Variants in MFAP3 observed in about 807,000 individuals in gnomAD.
MFAP3 encodes microfibril-associated glycoprotein 3.
Under a neutral mutation model 20.5 loss-of-function variants are expected in MFAP3, and 8 were observed. The observed-to-expected ratio is 0.39, with a 90% CI of 0.23 to 0.70. MFAP3 has a LOEUF of 0.70. Among genes scored for constraint, MFAP3 ranks in the 30% least tolerant of loss-of-function variants. The pLI is 0.44. For missense variants in MFAP3, 398 were observed against 444.6 expected, an observed-to-expected ratio of 0.90 and a Z score of 0.94; for synonymous variants, 140 against 154.0, an observed-to-expected ratio of 0.91 and a Z score of 0.67.
chr5:154,041,330 C>G (rs979892979), intron 1 of MFAP3, among the ~76,000 whole-genome samples: 1 of 152,132 alleles, frequency 6.6e-6, no homozygotes, highest in Non-Finnish European at 1.5e-5. Context: ...GTAAAACAAG[C>G]GTAGTTTAGG....
At chr5:154,048,856 G>A (rs1284462216) in intron 1 of MFAP3, among the ~76,000 whole-genome samples, 8 of 152,164 alleles carry the variant, frequency 5.3e-5, no homozygotes, top group Non-Finnish European at 1.0e-4. Flanking sequence ...TAAATACACT[G>A]TACTTTGTCT....
rs1299010254 is a variant in MFAP3 at position 154,055,215 on chromosome 5, T to C, written c.*1502T>C. Among the ~76,000 whole-genome samples, 3 of 152,346 alleles carry C rather than the reference T, an allele frequency of 2.0e-5. No individual in the cohort carries two copies. In the South Asian group the frequency reaches 6.2e-4, roughly 32 times the overall value. ...AAGCATTACTTCAGCTAGAGGCTCC[T>C]GAGGGAAATGTTCAGAGGAGGTTTT... On this transcript the variant is annotated 3_prime_UTR_variant, in exon 3 of 3. Transcript: ENST00000522782.
At position 154,048,972 on chromosome 5, in the gene MFAP3, C is replaced by T. The variant is rs775213291; in HGVS notation, c.-166-585C>T. Reference sequence around the variant, plus strand: ...GTCAATAACTCTATTTATGTGTATGCAGTAAGTGCAGCTTTCTTTCCAGTG... The same window carrying T: ...GTCAATAACTCTATTTATGTGTATGTAGTAAGTGCAGCTTTCTTTCCAGTG... On this transcript the variant is annotated intron_variant, in intron 1 of 2. Transcript: ENST00000522782. 1.3e-3 allele frequency among the ~76,000 whole-genome samples: 198 copies of T among 152,318 alleles called. 1 individual carries two copies. Among genetic ancestry groups the T allele is most frequent in the Non-Finnish European group, 2.5e-3 (169 of 68,022 alleles).
rs1209734908 is a variant in MFAP3, at chr5:154,056,805, A to G, written c.*3092A>G. 6.6e-6 allele frequency among the ~76,000 whole-genome samples: 1 copy of G among 152,168 alleles called. No individual in the cohort carries two copies. Among genetic ancestry groups the G allele is most frequent in the African/African-American group, 2.4e-5 (1 of 41,446 alleles). On this transcript the variant is annotated 3_prime_UTR_variant, in exon 3 of 3. Transcript: ENST00000522782. ...CCTGTCCTCCAAATTGTGTATGTATATGTTACGATGGTTTAATTCTTGAGT... is the reference window on the plus strand; with the variant it reads ...CCTGTCCTCCAAATTGTGTATGTATGTGTTACGATGGTTTAATTCTTGAGT...
chr5:154,050,975 G>A lies in MFAP3; in HGVS notation c.295+958G>A, dbSNP rs551416116. On this transcript the variant is annotated intron_variant, in intron 2 of 2. Coordinates refer to ENST00000522782, the MANE Select transcript of MFAP3 (RefSeq NM_005927.5). ...TAGTGTAGCCTTCTGAAATAGAAAAGGATATTGGTTATTCATATTAGGCTG... is the reference window on the plus strand; with the variant it reads ...TAGTGTAGCCTTCTGAAATAGAAAAAGATATTGGTTATTCATATTAGGCTG... Among the ~76,000 whole-genome samples, 75 of 152,188 alleles carry A rather than the reference G, an allele frequency of 4.9e-4. No individual in the cohort carries two copies. In the South Asian group the frequency reaches 0.015, roughly 31 times the overall value.
At chr5:154,044,829 C>A (rs531004725) in intron 1 of MFAP3, among the ~76,000 whole-genome samples, 1 of 152,074 alleles carries the variant, frequency 6.6e-6, no homozygotes, top group Non-Finnish European at 1.5e-5. Flanking sequence ...TGAACTTAAT[C>A]TTTTTTCTCC....
In MFAP3 at chr5:154,053,729, C is replaced by T; in HGVS notation, c.*16C>T. On this transcript the variant is annotated 3_prime_UTR_variant, in exon 3 of 3. Coordinates refer to ENST00000522782, the MANE Select transcript of MFAP3 (RefSeq NM_005927.5). ...TCAGCTGTAACCTACAATGCTGTAA[C>T]CCAGTACCTACAAAATCAGCTCGCT... 6.4e-7 allele frequency: 1 copy of T among 1,567,600 alleles called. No homozygotes were observed. Among genetic ancestry groups the T allele is most frequent in the Non-Finnish European group, 8.7e-7 (1 of 1,155,108 alleles).
At chr5:154,051,861 A>G (rs997281342) in intron 2 of MFAP3, 2 of 152,292 alleles carry the variant, frequency 1.3e-5, no homozygotes, top group East Asian at 1.9e-4. Context: ...AAGATTGGGC[A>G]CTCAAGTAAT....
Position 154,053,918 on chromosome 5 carries a change from G to C in MFAP3, c.*205G>C, listed in dbSNP as rs1773268109. 1.8e-6 allele frequency: 1 copy of C among 542,168 alleles called. No homozygotes were observed. 33.6% of individuals were successfully genotyped at this position (542,168 alleles called of 1,614,324 possible). On this transcript the variant is annotated 3_prime_UTR_variant, in exon 3 of 3. Coordinates refer to ENST00000522782, the MANE Select transcript of MFAP3 (RefSeq NM_005927.5). ...ATACTTTTCAGTCATTTTCCTTAGA[G>C]CTTTATTAAATTATGCATGCTAAGA... is the stretch of plus-strand genomic sequence containing the variant.
At chr5:154,049,419 T>G (rs1043288943) in intron 1 of MFAP3, 138 bp from the exon 2 acceptor site, 1 of 246,362 alleles carries the variant, frequency 4.1e-6, no homozygotes, top group African/African-American at 2.3e-5. Context: ...TGTGAGATTT[T>G]TAGGTACTGT....
At chr5:154,050,118 G>A in intron 2 of MFAP3, 101 bp downstream of exon 2, 4 of 1,318,760 alleles carry the variant, frequency 3.0e-6, no homozygotes, top group Non-Finnish European at 4.1e-6. Flanking sequence ...AAGGTGCCAA[G>A]GTGAATAGTT....
At position 154,056,513 on chromosome 5, in the gene MFAP3, ATTATC is replaced by A. The variant is rs1345361118; in HGVS notation, c.*2803_*2807del. On this transcript the variant is annotated 3_prime_UTR_variant, in exon 3 of 3. Transcript: ENST00000522782. ...AAGTCTTGATGGTAACTATAGTGTA[ATTATC>A]TTTTTGTCTCACTGGATTTTATAGT... 6.6e-6 allele frequency among the ~76,000 whole-genome samples: 1 copy of A among 152,136 alleles called. No individual in the cohort carries two copies. Among genetic ancestry groups the A allele is most frequent in the African/African-American group, 2.4e-5 (1 of 41,438 alleles).
Position 154,053,880 on chromosome 5 carries a change from T to G in MFAP3, c.*167T>G, listed in dbSNP as rs796251673. On this transcript the variant is annotated 3_prime_UTR_variant, in exon 3 of 3. Transcript: ENST00000522782. ...CCAAAGTCTTCATTAGAAGGCAGCA[T>G]TTTTCCTCTCTGATACTTTTCAGTC... 31 of 613,794 alleles carry G rather than the reference T, an allele frequency of 5.1e-5. No individual in the cohort carries two copies. The African/African-American group carries it at 5.4e-4, about 11-fold the overall frequency. The allele number at this position is 613,794 out of a possible 1,614,324, so 38.0% of individuals were successfully genotyped here.
chr5:154,050,115 C>A (rs1184592099), intron 2 of MFAP3, 98 bp downstream of exon 2: 4 of 1,334,186 alleles, frequency 3.0e-6, no homozygotes, highest in African/African-American at 1.5e-5. Flanking sequence ...GATAAGGTGC[C>A]AAGGTGAATA....
intron 1 of MFAP3, among the ~76,000 whole-genome samples, chr5:154,042,266 A>G (rs1388877503): frequency 6.6e-6 from 1 of 152,214 alleles, no homozygotes; most frequent in African/African-American, 2.4e-5. Flanking sequence ...TGTTTTTGTC[A>G]TTTGCATCCA....
chr5:154,055,828 T>G lies in MFAP3; in HGVS notation c.*2115T>G, dbSNP rs1175502538. On this transcript the variant is annotated 3_prime_UTR_variant, in exon 3 of 3. Coordinates refer to ENST00000522782, the MANE Select transcript of MFAP3 (RefSeq NM_005927.5). ...CTCACTTTGTTGCCCAGGCTGACCT[T>G]GTACTTGTGGCTTCAAATGATCCTC... 6.6e-6 allele frequency among the ~76,000 whole-genome samples: 1 copy of G among 152,082 alleles called. No homozygotes were observed. The highest frequency in any genetic ancestry group is 1.5e-5 in the Non-Finnish European group (1 of 68,010).
intron 1 of MFAP3, among the ~76,000 whole-genome samples, chr5:154,044,803 G>A (rs1421314987): frequency 1.3e-5 from 2 of 152,170 alleles, no homozygotes; most frequent in Non-Finnish European, 2.9e-5. Flanking sequence ...CACAGACACA[G>A]TTCAATAACT....
Position 154,052,901 on chromosome 5 carries a change from A to C in MFAP3, c.296-19A>C. ...ATCTTTTTGCTATAATTTTTTTTTC[A>C]TTTCTGTTCAATTATCAGGTGGAAA... On this transcript the variant is annotated intron_variant, in intron 2 of 2. Transcript: ENST00000522782. The C allele has an allele frequency of 5.1e-6, 8 of 1,560,612 alleles. No individual in the cohort carries two copies. Among genetic ancestry groups the C allele is most frequent in the Non-Finnish European group, 2.6e-6 (3 of 1,152,310 alleles).
In MFAP3 at chr5:154,049,709, T is replaced by C. The variant is rs373053885; in HGVS notation, c.-14T>C. The C allele has an allele frequency of 6.6e-5, 106 of 1,603,990 alleles. No homozygotes were observed. Among genetic ancestry groups the C allele is most frequent in the Non-Finnish European group, 6.6e-5 (77 of 1,173,884 alleles). ...AGTTCTCCAAATCTAAACAAGATTT[T>C]GTCCCATTTTCCCATGAAGCTACAT... is the stretch of plus-strand genomic sequence containing the variant. On this transcript the variant is annotated 5_prime_UTR_variant, in exon 2 of 3. Coordinates refer to ENST00000522782, the MANE Select transcript of MFAP3 (RefSeq NM_005927.5).
Sources: allele counts gnomAD v4.1 joint callset (sites outside exome capture counted in the v4.1 genomes callset), GRCh38; gene constraint gnomAD v4.1.1; transcripts MANE v1.5; gene names NCBI Gene and HGNC (gene_info 2026-07-23, HGNC 2026-07-21).